DACH1: variants seen among roughly 807,000 people sequenced by gnomAD.
The protein encoded by DACH1 is dachshund homolog 1.
Under a neutral mutation model 54.2 loss-of-function variants are expected in DACH1, and 12 were observed. The observed-to-expected ratio is 0.22, with a 90% CI of 0.14 to 0.36. DACH1 has a LOEUF of 0.36. Among genes scored for constraint, DACH1 ranks in the 10% least tolerant of loss-of-function variants. The probability of loss-of-function intolerance (pLI) is 1.00; values close to 1 mark genes in which losing one functional copy is unlikely to be tolerated. For missense variants in DACH1, 805 were observed against 929.8 expected (o/e 0.87, Z 1.75); for synonymous variants, 386 against 366.2 (o/e 1.05, Z -0.62).
intron 6 of DACH1, among the ~76,000 whole-genome samples, chr13:71,498,612 AAG>A (rs1438743067): frequency 6.6e-6 from 1 of 151,666 alleles, no homozygotes; most frequent in Non-Finnish European, 1.5e-5. Context: ...ATTTAGAAAA[AAG>A]AAGAGATTCT....
intron 1 of DACH1, among the ~76,000 whole-genome samples, chr13:71,749,853 T>C (rs1436671750): frequency 6.6e-6 from 1 of 152,098 alleles, no homozygotes; most frequent in Non-Finnish European, 1.5e-5. Flanking sequence ...ACAAGCATCA[T>C]GAGGGTGAGA....
In DACH1 at chr13:71,866,582, G is replaced by C; in HGVS notation, c.188C>G (p.Ala63Gly). 1 of 1,289,658 alleles carries C rather than the reference G, an allele frequency of 7.8e-7. No individual in the cohort carries two copies. Among genetic ancestry groups the C allele is most frequent in the Non-Finnish European group, 9.8e-7 (1 of 1,015,844 alleles). The allele number at this position is 1,289,658 out of a possible 1,614,324, so 79.9% of individuals were successfully genotyped here. Residue 63 changes from alanine to glycine, a missense_variant, in exon 1 of 11, where the codon GCG becomes GGG. By Grantham distance (60) the Ala-to-Gly change is moderately conservative. Coordinates refer to ENST00000613252, the MANE Select transcript of DACH1 (RefSeq NM_080759.6). Reference sequence around the variant, plus strand: ...GGTGACTGTGGCCGCCGCCGCCGCCGCCGAAGCGATGGGCTCCGGGCGGAA... The same window carrying C: ...GGTGACTGTGGCCGCCGCCGCCGCCCCCGAAGCGATGGGCTCCGGGCGGAA... ...TLFRPEPIAS[A>G]AAAAATVTST... is the part of the protein sequence containing the mutation.
intron 1 of DACH1, among the ~76,000 whole-genome samples, chr13:71,759,303 C>T (rs1286603245): frequency 6.6e-6 from 1 of 151,936 alleles, no homozygotes; most frequent in Non-Finnish European, 1.5e-5. Context: ...CATGGAAAGA[C>T]AGCCTAAGGG....
At chr13:71,554,981 T>A (rs1045503755) in intron 6 of DACH1, among the ~76,000 whole-genome samples, 2 of 152,194 alleles carry the variant, frequency 1.3e-5, no homozygotes, top group Non-Finnish European at 2.9e-5. Flanking sequence ...ATTCCAATTC[T>A]AGTACTGGTC....
At chr13:71,753,591 C>T (rs1222359231) in intron 1 of DACH1, among the ~76,000 whole-genome samples, 2 of 152,132 alleles carry the variant, frequency 1.3e-5, no homozygotes, top group East Asian at 1.9e-4. Context: ...TCATAGATTG[C>T]CTTGCTGACA....
In DACH1 at chr13:71,793,827, G is replaced by A. The variant is rs529284977; in HGVS notation, c.848+72095C>T. ...CAGGCGTGAGCCACCATGCCTAGCC[G>A]GTAATCTCTTTTTTAGTGAAAAAAA... is the stretch of plus-strand genomic sequence containing the variant. On this transcript the variant is annotated intron_variant, in intron 1 of 10. Coordinates refer to ENST00000613252, the MANE Select transcript of DACH1 (RefSeq NM_080759.6). 3.9e-5 allele frequency among the ~76,000 whole-genome samples: 6 copies of A among 152,134 alleles called. No homozygotes were observed. In the South Asian group the frequency reaches 1.0e-3, roughly 26 times the overall value.
At chr13:71,808,146 T>C (rs1887583263) in intron 1 of DACH1, among the ~76,000 whole-genome samples, 1 of 152,158 alleles carries the variant, frequency 6.6e-6, no homozygotes, top group South Asian at 2.1e-4. Context: ...TTAAATTGCT[T>C]TCTTTTATAT....
chr13:71,647,409 C>T (rs1470771558), intron 2 of DACH1, among the ~76,000 whole-genome samples: 2 of 152,178 alleles, frequency 1.3e-5, no homozygotes, highest in Non-Finnish European at 2.9e-5. Flanking sequence ...TATTTCCTTT[C>T]TGCTATCTGT....
At chr13:71,566,407 T>A (rs1463040151) in intron 4 of DACH1, among the ~76,000 whole-genome samples, 1 of 152,156 alleles carries the variant, frequency 6.6e-6, no homozygotes, top group African/African-American at 2.4e-5. Context: ...ATTCATCACT[T>A]CATTAGGGCT....
chr13:71,771,435 G>A lies in DACH1; in HGVS notation c.849-89525C>T, dbSNP rs1227474512. 2.6e-5 allele frequency among the ~76,000 whole-genome samples: 4 copies of A among 151,594 alleles called. 1 individual carries two copies. The South Asian group carries it at 8.3e-4, about 31-fold the overall frequency. On this transcript the variant is annotated intron_variant, in intron 1 of 10. Coordinates refer to ENST00000613252, the MANE Select transcript of DACH1 (RefSeq NM_080759.6). Reference sequence around the variant, plus strand: ...GGCCACGAAATTGTTGAATTAAAAAGTCACTTAGTATTTAAATGCAAATCA... The same window carrying A: ...GGCCACGAAATTGTTGAATTAAAAAATCACTTAGTATTTAAATGCAAATCA...
chr13:71,761,752 G>C (rs1254533695), intron 1 of DACH1, among the ~76,000 whole-genome samples: 1 of 152,064 alleles, frequency 6.6e-6, no homozygotes, highest in East Asian at 1.9e-4. Context: ...GCCATACTTT[G>C]ATAAGCAAGG....
chr13:71,866,452 G>T lies in DACH1; in HGVS notation c.318C>A (p.Pro106=). ...TGCCGTTGCTCGCGGCCGCCAGGTT[G>T]GGGTTGCAGTTGCTGCCACCGCCGC... ...GGGGGGSNCN[P]NLAAASNGSG... is the part of the protein sequence containing the mutation. The change falls in exon 1 of 11, where the codon CCC becomes CCA. Residue 106 remains proline (P), a synonymous_variant. Coordinates refer to ENST00000613252, the MANE Select transcript of DACH1 (RefSeq NM_080759.6). The T allele has an allele frequency of 7.6e-7, 1 of 1,319,316 alleles. No homozygotes were observed. The highest frequency in any genetic ancestry group is 9.7e-7 in the Non-Finnish European group (1 of 1,029,490). The allele number at this position is 1,319,316 out of a possible 1,614,324, so 81.7% of individuals were successfully genotyped here.
At chr13:71,658,818 G>C (rs1879308026) in intron 2 of DACH1, among the ~76,000 whole-genome samples, 1 of 152,074 alleles carries the variant, frequency 6.6e-6, no homozygotes, top group Non-Finnish European at 1.5e-5. Context: ...TCAAAGATTT[G>C]AAGTCTCTAA....
In DACH1 at chr13:71,769,734, T is replaced by G. The variant is rs146713097; in HGVS notation, c.849-87824A>C. Among the ~76,000 whole-genome samples the G allele has an allele frequency of 6.4e-3, 976 of 151,840 alleles. 12 individuals are homozygous for G. Among genetic ancestry groups the G allele is most frequent in the African/African-American group, 0.022 (917 of 41,546 alleles). On this transcript the variant is annotated intron_variant, in intron 1 of 10. Coordinates refer to ENST00000613252, the MANE Select transcript of DACH1 (RefSeq NM_080759.6). The stretch of plus-strand genomic sequence containing the variant: ...TCTCACAGCATTCGTTATTCTAATT[T>G]CAACTTTTTAGAACAATAAATGATA...
intron 1 of DACH1, chr13:71,846,226 GC>G: frequency 8.1e-6 from 2 of 247,896 alleles, no homozygotes; most frequent in South Asian, 6.1e-5. Flanking sequence ...CACGGAAACA[GC>G]GGCATGGTTC....
Position 71,592,513 on chromosome 13 carries a change from A to AAAG in DACH1, c.1127-19502_1127-19501insCTT, listed in dbSNP as rs1555299239. 5.2e-4 allele frequency among the ~76,000 whole-genome samples: 76 copies of AAAG among 145,836 alleles called. No homozygotes were observed. In the East Asian group the frequency reaches 0.012, roughly 23 times the overall value. ...CTATCTCAAAAAAAAAAAAAAAAAA[A>AAAG]AAAAGAAAAGAAAAAAAGAAAAGAA... On this transcript the variant is annotated intron_variant, in intron 3 of 10. Transcript: ENST00000613252.
chr13:71,755,422 G>T (rs1412957907), intron 1 of DACH1, among the ~76,000 whole-genome samples: 1 of 152,154 alleles, frequency 6.6e-6, no homozygotes. Flanking sequence ...GACGAAACTG[G>T]TGTTAATTTT....
At chr13:71,510,034 T>A (rs560655766) in intron 6 of DACH1, among the ~76,000 whole-genome samples, 1 of 152,074 alleles carries the variant, frequency 6.6e-6, no homozygotes, top group Non-Finnish European at 1.5e-5. Flanking sequence ...CAGACCTCCC[T>A]CTACTTGACT....
intron 2 of DACH1, among the ~76,000 whole-genome samples, chr13:71,661,496 T>C (rs1354652991): frequency 6.6e-6 from 1 of 151,998 alleles, no homozygotes; most frequent in Non-Finnish European, 1.5e-5. Context: ...TTAATACATC[T>C]AAATATGATA....
Sources: gnomAD v4.1 joint callset for allele counts (sites outside exome capture counted in the v4.1 genomes callset) on GRCh38, gnomAD v4.1.1 for gene constraint, MANE v1.5 for transcripts, NCBI Gene and HGNC (gene_info 2026-07-23, HGNC 2026-07-21) for gene names.